SOX6: variants seen among roughly 807,000 people sequenced by gnomAD.
SOX6 encodes SRY-box transcription factor 6.
In SOX6, 11 loss-of-function variants were observed where a neutral mutation model predicts 97.8. The observed-to-expected ratio is 0.11, with a 90% confidence interval of 0.07 to 0.19. The LOEUF is 0.19. Ranked by LOEUF, SOX6 falls within the 10% of genes least tolerant of loss-of-function variation. The pLI, the probability that SOX6 is intolerant of heterozygous loss-of-function variation, is 1.00. For missense variants in SOX6, 810 were observed against 1,039.5 expected (o/e 0.78, Z 3.04); for synonymous variants, 360 against 371.4 (o/e 0.97, Z 0.35).
At chr11:16,280,780 A>G (rs898594020) in intron 3 of SOX6, among the ~76,000 whole-genome samples, 4 of 152,136 alleles carry the variant, frequency 2.6e-5, no homozygotes, top group Non-Finnish European at 5.9e-5. Context: ...TTTTAAAAAC[A>G]AAGAAAGGTG....
At chr11:16,167,520 T>G (rs1296544058) in intron 6 of SOX6, among the ~76,000 whole-genome samples, 1 of 152,166 alleles carries the variant, frequency 6.6e-6, no homozygotes, top group Non-Finnish European at 1.5e-5. Context: ...ACTAAAGTCC[T>G]TACAACGATG....
intron 10 of SOX6, among the ~76,000 whole-genome samples, chr11:16,055,528 G>T (rs1033090158): frequency 1.3e-5 from 2 of 152,144 alleles, no homozygotes; most frequent in African/African-American, 4.8e-5. Context: ...CTCTCGAGAA[G>T]TGAGTTTGCA....
chr11:16,195,753 C>A (rs1258785076), intron 4 of SOX6, among the ~76,000 whole-genome samples: 4 of 152,196 alleles, frequency 2.6e-5, no homozygotes, highest in Non-Finnish European at 5.9e-5. Context: ...CAGACTCCGA[C>A]ATTCTCTGGC....
intron 4 of SOX6, among the ~76,000 whole-genome samples, chr11:16,232,500 T>C (rs1852883439): frequency 6.6e-6 from 1 of 152,060 alleles, no homozygotes; most frequent in African/African-American, 2.4e-5. Context: ...ATTTTTCATG[T>C]GATTCACTTT....
At chr11:16,370,265 T>C (rs1030430496) in intron 1 of SOX6, among the ~76,000 whole-genome samples, 6 of 152,160 alleles carry the variant, frequency 3.9e-5, no homozygotes, top group Admixed American at 1.3e-4. Flanking sequence ...GCCTCCTTTT[T>C]TGCTTTTTTA....
chr11:16,048,151 C>T (rs1337022493), intron 11 of SOX6, among the ~76,000 whole-genome samples: 1 of 152,124 alleles, frequency 6.6e-6, no homozygotes. Flanking sequence ...TCTAGGAGGG[C>T]TATTTCAAGG....
At chr11:15,985,154 A>G (rs1423779925) in intron 15 of SOX6, among the ~76,000 whole-genome samples, 1 of 152,128 alleles carries the variant, frequency 6.6e-6, no homozygotes. Flanking sequence ...TCTATTTACT[A>G]TTCCTTTTAA....
chr11:16,497,404 G>A (rs925808647), intron 4 of SOX6, among the ~76,000 whole-genome samples: 4 of 152,114 alleles, frequency 2.6e-5, no homozygotes, highest in Non-Finnish European at 5.9e-5. Context: ...CTAAAAATCA[G>A]AATGCCTCTC....
intron 4 of SOX6, among the ~76,000 whole-genome samples, chr11:16,507,148 G>A (rs935833667): frequency 6.6e-6 from 1 of 152,038 alleles, no homozygotes; most frequent in East Asian, 1.9e-4. Context: ...TGACAGCCAC[G>A]TGGAGATGTG....
chr11:16,155,051 G>GAAA (rs34170019), intron 6 of SOX6, among the ~76,000 whole-genome samples: 2 of 143,086 alleles, frequency 1.4e-5, no homozygotes, highest in Admixed American at 1.4e-4. Context: ...CTGATTGTCA[G>GAAA]AAAAAAAAAA....
intron 6 of SOX6, among the ~76,000 whole-genome samples, chr11:16,119,640 C>G (rs1193637331): frequency 6.6e-6 from 1 of 152,144 alleles, no homozygotes; most frequent in Non-Finnish European, 1.5e-5. Context: ...ATTAACTGAT[C>G]AATGGCTGAG....
At chr11:16,344,218 T>C (rs1856716131) in intron 1 of SOX6, among the ~76,000 whole-genome samples, 1 of 151,958 alleles carries the variant, frequency 6.6e-6, no homozygotes, top group South Asian at 2.1e-4. Context: ...GGGGTTTTTT[T>C]GTTTACATCT....
In SOX6 at chr11:15,966,911, A is replaced by G. The variant is rs1316462119; in HGVS notation, c.*5898T>C. The G allele has an allele frequency of 1.3e-5, 2 of 151,876 alleles. No individual in the cohort carries two copies. The highest frequency in any genetic ancestry group is 2.9e-5 in the Non-Finnish European group (2 of 67,978). 9.4% of individuals were successfully genotyped at this position (151,876 alleles called of 1,614,324 possible). A position where few individuals can be genotyped will look rare whatever the true frequency, so the allele number is the denominator to read the frequency against. On this transcript the variant is annotated 3_prime_UTR_variant, in exon 16 of 16. Coordinates refer to ENST00000683767, the MANE Select transcript of SOX6 (RefSeq NM_001367873.1). The stretch of plus-strand genomic sequence containing the variant: ...GATTCATTCCTGTAAATTTGAAGAG[A>G]TTTTTTTTATTTTTCCCATTTCTTT...
At chr11:16,228,501 G>A (rs1299487447) in intron 4 of SOX6, among the ~76,000 whole-genome samples, 1 of 152,024 alleles carries the variant, frequency 6.6e-6, no homozygotes, top group African/African-American at 2.4e-5. Flanking sequence ...TGGTTAACAG[G>A]GGTAGGAGAG....
chr11:16,589,297 T>C (rs1427526215), intron 4 of SOX6, among the ~76,000 whole-genome samples: 1 of 152,178 alleles, frequency 6.6e-6, no homozygotes, highest in Non-Finnish European at 1.5e-5. Context: ...AGTATATTTA[T>C]TTATTTTAAA....
intron 1 of SOX6, among the ~76,000 whole-genome samples, chr11:16,374,023 A>G (rs907769400): frequency 6.6e-6 from 1 of 152,068 alleles, no homozygotes; most frequent in East Asian, 1.9e-4. Context: ...GCTGTACATC[A>G]TTGACCCATC....
chr11:16,225,994 A>C (rs1852677339), intron 4 of SOX6, among the ~76,000 whole-genome samples: 1 of 152,178 alleles, frequency 6.6e-6, no homozygotes, highest in South Asian at 2.1e-4. Flanking sequence ...TCCAGTCTTT[A>C]ACAGTGAACT....
intron 3 of SOX6, among the ~76,000 whole-genome samples, chr11:16,612,420 A>T (rs1332229929): frequency 6.6e-6 from 1 of 152,228 alleles, no homozygotes; most frequent in East Asian, 1.9e-4. Context: ...GAATTAAAAT[A>T]AGGCCAAAGA....
At chr11:16,491,708 A>G (rs1302620375) in intron 4 of SOX6, among the ~76,000 whole-genome samples, 2 of 152,196 alleles carry the variant, frequency 1.3e-5, no homozygotes, top group African/African-American at 2.4e-5. Flanking sequence ...GGAGAAAAAC[A>G]TTCCTTTGGA....
Sources: allele counts gnomAD v4.1 joint callset (sites outside exome capture counted in the v4.1 genomes callset), GRCh38; gene constraint gnomAD v4.1.1; transcripts MANE v1.5; gene names NCBI Gene and HGNC (gene_info 2026-07-23, HGNC 2026-07-21).